The following TMEM132C variants were observed in gnomAD, a reference collection of about 807,000 sequenced individuals.
TMEM132C encodes protein phosphatase 1, regulatory subunit 152.
Under a neutral mutation model 61.4 loss-of-function variants are expected in TMEM132C, and 29 were observed. That is an observed-to-expected ratio of 0.47 (90% confidence interval 0.35 to 0.64). The LOEUF (loss-of-function observed/expected upper bound fraction) is 0.64. Among genes scored for constraint, TMEM132C ranks in the 30% least tolerant of loss-of-function variants. The pLI, the probability that TMEM132C is intolerant of heterozygous loss-of-function variation, is 0.00. For missense variants in TMEM132C, 1,408 were observed against 1,476.9 expected (o/e 0.95, Z 0.76); for synonymous variants, 656 against 633.1 (o/e 1.04, Z -0.54).
chr12:128,406,129 C>T (rs1170125539), intron 1 of TMEM132C, among the ~76,000 whole-genome samples: 1 of 152,234 alleles, frequency 6.6e-6, no homozygotes, highest in African/African-American at 2.4e-5. Flanking sequence ...TCCCCTGGTA[C>T]TGGATGTCAG....
intron 3 of TMEM132C, among the ~76,000 whole-genome samples, chr12:128,549,380 G>A (rs549202261): frequency 2.0e-5 from 3 of 152,126 alleles, no homozygotes; most frequent in Admixed American, 6.5e-5. Flanking sequence ...GAGGGAGTGC[G>A]TGCTGCACTC....
At chr12:128,517,918 G>A (rs1210671259) in intron 2 of TMEM132C, among the ~76,000 whole-genome samples, 3 of 152,160 alleles carry the variant, frequency 2.0e-5, no homozygotes, top group African/African-American at 4.8e-5. Flanking sequence ...AAGGGGACAT[G>A]TCAGCTGCTA....
intron 1 of TMEM132C, among the ~76,000 whole-genome samples, chr12:128,327,302 G>C (rs563466141): frequency 6.7e-6 from 1 of 150,258 alleles, no homozygotes; most frequent in Admixed American, 6.6e-5. Context: ...ACCATGGCCC[G>C]AGACACAGCC....
At chr12:128,383,460 G>A (rs1874479724) in intron 1 of TMEM132C, among the ~76,000 whole-genome samples, 1 of 152,200 alleles carries the variant, frequency 6.6e-6, no homozygotes, top group South Asian at 2.1e-4. Context: ...GGATGCTTGA[G>A]CCGTTTCCCA....
At chr12:128,594,220 G>C (rs1875863393) in intron 3 of TMEM132C, among the ~76,000 whole-genome samples, 1 of 152,026 alleles carries the variant, frequency 6.6e-6, no homozygotes, top group Non-Finnish European at 1.5e-5. Flanking sequence ...CCCCACCCCA[G>C]GGGGGCGCCA....
intron 4 of TMEM132C, among the ~76,000 whole-genome samples, chr12:128,634,458 T>C (rs1362249495): frequency 6.6e-6 from 1 of 152,274 alleles, no homozygotes; most frequent in African/African-American, 2.4e-5. Flanking sequence ...TGAGGACAGA[T>C]GGCTTTGAAA....
At position 128,630,994 on chromosome 12, in the gene TMEM132C, T is replaced by G. The variant is rs1194106613; in HGVS notation, c.1305+14659T>G. ...CTGCAATGAGCCGAGATCACGCCACTGCATTCCAGCCTGGGCAACAGAGTG... is the reference window on the plus strand; with the variant it reads ...CTGCAATGAGCCGAGATCACGCCACGGCATTCCAGCCTGGGCAACAGAGTG... On this transcript the variant is annotated intron_variant, in intron 4 of 8. Coordinates refer to ENST00000435159, the MANE Select transcript of TMEM132C (RefSeq NM_001136103.3). This position sits in a 1 kb window ranked among gnomAD's most constrained non-coding sequence, Gnocchi z 4.3. 6.6e-6 allele frequency among the ~76,000 whole-genome samples: 1 copy of G among 152,206 alleles called. No individual in the cohort carries two copies. Among genetic ancestry groups the G allele is most frequent in the Non-Finnish European group, 1.5e-5 (1 of 68,032 alleles).
At chr12:128,431,887 A>C (rs1194702885) in intron 2 of TMEM132C, among the ~76,000 whole-genome samples, 1 of 152,158 alleles carries the variant, frequency 6.6e-6, no homozygotes, top group Non-Finnish European at 1.5e-5. Context: ...AAAGCTTCAA[A>C]GAGCAGGCTA....
rs1385105559 is a variant in TMEM132C at position 128,415,292 on chromosome 12, AAGT to A, written c.647_649del (p.Lys216_Ser217delinsThr). 1.9e-6 allele frequency: 3 copies of A among 1,597,874 alleles called. No individual in the cohort carries two copies. Among genetic ancestry groups the A allele is most frequent in the Non-Finnish European group, 2.6e-6 (3 of 1,171,988 alleles). On this transcript the variant is annotated inframe_deletion, in exon 2 of 9. Transcript: ENST00000435159. This position sits in a 1 kb window ranked among gnomAD's most constrained non-coding sequence, Gnocchi z 5.8. ...CCCGACGGTGGGTGCCGGGAGGAAGAAGTCCATGGACCAGCCGGAGGGGACCCC... is the reference window on the plus strand; with the variant it reads ...CCCGACGGTGGGTGCCGGGAGGAAGACCATGGACCAGCCGGAGGGGACCCC...
rs756121286 is a variant in TMEM132C, at chr12:128,544,054, G to T, written c.1072G>T (p.Val358Leu). The T allele has an allele frequency of 7.1e-6, 11 of 1,546,690 alleles. No homozygotes were observed. Among genetic ancestry groups the T allele is most frequent in the Non-Finnish European group, 9.6e-6 (11 of 1,144,650 alleles). ...GGAGGTGGGCAGCGGCGGAAAGCACGTGACGGCCACCGTGGCCTGCCAGCG... is the reference window on the plus strand; with the variant it reads ...GGAGGTGGGCAGCGGCGGAAAGCACTTGACGGCCACCGTGGCCTGCCAGCG... ...KQEVGSGGKH[V>L]TATVACQRLG... Residue 358 changes from valine (V) to leucine (L), a missense_variant, in exon 3 of 9, where the codon GTG (valine) becomes TTG (leucine). Transcript: ENST00000435159.
chr12:128,498,583 G>C (rs1336771346), intron 2 of TMEM132C, among the ~76,000 whole-genome samples: 1 of 152,098 alleles, frequency 6.6e-6, no homozygotes, highest in Non-Finnish European at 1.5e-5. Context: ...GCTGAGGCAA[G>C]AGAATTGCTT....
rs761542717 is a variant in TMEM132C at position 128,705,899 on chromosome 12, G to T, written c.2931G>T (p.Glu977Asp). The change falls in exon 9 of 9, where the codon GAG becomes GAT. Residue 977 changes from glutamate (E) to aspartate (D), a missense_variant. Physicochemically the swap from Glu to Asp is conservative, Grantham distance 45. Coordinates refer to ENST00000435159, the MANE Select transcript of TMEM132C (RefSeq NM_001136103.3). Reference protein sequence around the residue: ...HSHDWVWLGNEAELLESMGDA... With the variant: ...HSHDWVWLGNDAELLESMGDA... ...ACGACTGGGTGTGGCTTGGCAATGA[G>T]GCCGAACTCCTGGAGAGCATGGGGG... 1 of 1,551,396 alleles carries T rather than the reference G, an allele frequency of 6.4e-7. No homozygotes were observed. Among genetic ancestry groups the T allele is most frequent in the South Asian group, 1.2e-5 (1 of 84,062 alleles).
At chr12:128,275,733 A>T (rs1224911423) in intron 1 of TMEM132C, among the ~76,000 whole-genome samples, 1 of 152,220 alleles carries the variant, frequency 6.6e-6, no homozygotes, top group East Asian at 1.9e-4. Flanking sequence ...ACAATATTTA[A>T]TGCAAAAGTG....
intron 1 of TMEM132C, among the ~76,000 whole-genome samples, chr12:128,284,181 T>G (rs1408752975): frequency 2.0e-5 from 3 of 152,184 alleles, no homozygotes; most frequent in Non-Finnish European, 4.4e-5. Context: ...TGAGCCAATT[T>G]GCATAACAAG....
intron 1 of TMEM132C, among the ~76,000 whole-genome samples, chr12:128,327,967 G>A (rs1416273245): frequency 6.6e-6 from 1 of 152,070 alleles, no homozygotes; most frequent in Non-Finnish European, 1.5e-5. Context: ...TAGACTTAAA[G>A]TCTGTGTCCA....
intron 1 of TMEM132C, among the ~76,000 whole-genome samples, chr12:128,269,224 T>C (rs1241076299): frequency 3.9e-5 from 6 of 152,326 alleles, no homozygotes; most frequent in South Asian, 2.1e-4. Flanking sequence ...GCGGTGCTAA[T>C]TGAGCAGGGC....
chr12:128,492,244 C>A (rs999215530), intron 2 of TMEM132C, among the ~76,000 whole-genome samples: 2 of 152,176 alleles, frequency 1.3e-5, no homozygotes, highest in Non-Finnish European at 2.9e-5. Flanking sequence ...TTAATTCAGT[C>A]TATCATTGAT....
chr12:128,388,806 G>T (rs922488677), intron 1 of TMEM132C, among the ~76,000 whole-genome samples: 1 of 152,204 alleles, frequency 6.6e-6, no homozygotes, highest in Non-Finnish European at 1.5e-5. Context: ...TGTTTATTTC[G>T]GTTGCCCTAG....
At chr12:128,558,271 C>T (rs1195525019) in intron 3 of TMEM132C, among the ~76,000 whole-genome samples, 2 of 152,116 alleles carry the variant, frequency 1.3e-5, no homozygotes, top group African/African-American at 2.4e-5. Flanking sequence ...GGCTGTGTCC[C>T]CACCCAAATC....
Sources: allele counts gnomAD v4.1 joint callset (sites outside exome capture counted in the v4.1 genomes callset), GRCh38; gene constraint gnomAD v4.1.1; non-coding constraint Gnocchi (gnomAD v3.1); transcripts MANE v1.5; gene names NCBI Gene and HGNC (gene_info 2026-07-23, HGNC 2026-07-21).